GABRG2: variants seen among roughly 807,000 people sequenced by gnomAD.
GABRG2 encodes the protein gamma-aminobutyric acid receptor subunit gamma-2.
A neutral mutation model predicts 56.4 loss-of-function variants in GABRG2; 16 were observed. The observed-to-expected ratio is 0.28, with a 90% confidence interval of 0.19 to 0.43. The LOEUF (loss-of-function observed/expected upper bound fraction) is 0.43, where lower values mean the gene tolerates loss of function less well. Among genes scored for constraint, GABRG2 ranks in the 20% least tolerant of loss-of-function variants. GABRG2 has a pLI of 1.00. For missense variants in GABRG2, 327 were observed against 582.7 expected, an observed-to-expected ratio of 0.56 and a Z score of 4.52; for synonymous variants, 208 against 205.5, an observed-to-expected ratio of 1.01 and a Z score of -0.10.
At chr5:162,116,238 CT>C (rs144430794) in intron 6 of GABRG2, among the ~76,000 whole-genome samples, 16,195 of 151,290 alleles carry the variant, frequency 0.11, 1,064 homozygotes, top group East Asian at 0.25. Context: ...ATCTACCAAT[CT>C]ATCTATCTAT....
chr5:162,149,515 T>C (rs764993676), intron 8 of GABRG2: 1 of 744,684 alleles, frequency 1.3e-6, no homozygotes, highest in South Asian at 1.4e-5. Context: ...ATTTTCTGTG[T>C]CAGAGTTCTT....
chr5:162,102,192 T>C (rs1320523329), intron 5 of GABRG2: 1 of 190,754 alleles, frequency 5.2e-6, no homozygotes, highest in African/African-American at 2.4e-5. Flanking sequence ...AGAGGAAAAA[T>C]ATCACTGGAC....
At chr5:162,105,357 G>C (rs184755955) in intron 6 of GABRG2, among the ~76,000 whole-genome samples, 4 of 150,900 alleles carry the variant, frequency 2.7e-5, no homozygotes, top group Admixed American at 6.6e-5. Context: ...AGTAATGCTT[G>C]AGTATATTAT....
At chr5:162,134,117 TC>T (rs1763951694) in intron 6 of GABRG2, among the ~76,000 whole-genome samples, 2 of 152,136 alleles carry the variant, frequency 1.3e-5, no homozygotes, top group Admixed American at 1.3e-4. Context: ...GGATTTATCA[TC>T]ATAGTCCTAA....
chr5:162,085,313 G>C (rs894612854), intron 1 of GABRG2, among the ~76,000 whole-genome samples: 1 of 151,948 alleles, frequency 6.6e-6, no homozygotes, highest in Admixed American at 6.6e-5. Flanking sequence ...ACACAAATGA[G>C]AAAGTGAAAA....
intron 8 of GABRG2, 73 bp from the exon 9 acceptor site, chr5:162,151,657 C>CTTTTTTTTTTTTT: frequency 1.6e-6 from 2 of 1,246,882 alleles, no homozygotes; most frequent in Admixed American, 2.0e-5. Context: ...TTGTCTCTCT[C>CTTTTTTTTTTTTT]TTTTTTTTTC....
At chr5:162,123,028 G>C (rs1686997144) in intron 6 of GABRG2, among the ~76,000 whole-genome samples, 1 of 151,594 alleles carries the variant, frequency 6.6e-6, no homozygotes, top group South Asian at 2.1e-4. Context: ...TTCTGGCACA[G>C]TCAAGAAAGT....
intron 5 of GABRG2, 111 bp downstream of exon 5, chr5:162,101,428 G>A: frequency 1.3e-6 from 1 of 796,892 alleles, no homozygotes; most frequent in South Asian, 1.4e-5. Context: ...ATTAAGTTAT[G>A]TTACTGACTT....
chr5:162,101,553 A>G (rs1761417633), intron 5 of GABRG2: 2 of 534,626 alleles, frequency 3.7e-6, no homozygotes, highest in African/African-American at 1.9e-5. Context: ...TGAGTTGCAA[A>G]CTTTTAATAT....
chr5:162,087,254 G>A (rs1760193768), intron 1 of GABRG2, among the ~76,000 whole-genome samples: 1 of 152,008 alleles, frequency 6.6e-6, no homozygotes, highest in South Asian at 2.1e-4. Flanking sequence ...CTCACCTTCT[G>A]AACTAACATA....
intron 1 of GABRG2, among the ~76,000 whole-genome samples, chr5:162,077,595 C>A (rs1759240197): frequency 6.6e-6 from 1 of 152,168 alleles, no homozygotes; most frequent in African/African-American, 2.4e-5. Flanking sequence ...GTCATTGCAA[C>A]CTTAGATATC....
chr5:162,110,446 A>T (rs1762173037), intron 6 of GABRG2, among the ~76,000 whole-genome samples: 1 of 152,130 alleles, frequency 6.6e-6, no homozygotes, highest in African/African-American at 2.4e-5. Context: ...CATATGAATA[A>T]AATGCTTCCT....
intron 1 of GABRG2, among the ~76,000 whole-genome samples, chr5:162,073,208 G>GT (rs956937022): frequency 1.3e-5 from 2 of 151,414 alleles, no homozygotes; most frequent in Admixed American, 6.6e-5. Flanking sequence ...ATTACATTAT[G>GT]TTTTTTTGTT....
intron 6 of GABRG2, among the ~76,000 whole-genome samples, chr5:162,141,098 G>T (rs933932787): frequency 3.3e-5 from 5 of 151,974 alleles, no homozygotes; most frequent in African/African-American, 7.2e-5. Context: ...GTGCAGTGGC[G>T]CCATCTCGGC....
At chr5:162,090,325 C>CCATACACATACA (rs10672843) in intron 1 of GABRG2, among the ~76,000 whole-genome samples, 5,365 of 150,920 alleles carry the variant, frequency 0.036, 291 homozygotes, top group African/African-American at 0.12. Context: ...CATACACATA[C>CCATACACATACA]CATACACATA....
chr5:162,126,932 G>T (rs987842947), intron 6 of GABRG2, among the ~76,000 whole-genome samples: 5 of 151,860 alleles, frequency 3.3e-5, no homozygotes, highest in African/African-American at 1.2e-4. Context: ...ACAAACTCTG[G>T]TTGTTATAAG....
chr5:162,148,966 G>A, intron 7 of GABRG2, 142 bp from the exon 8 acceptor site: 1 of 734,864 alleles, frequency 1.4e-6, no homozygotes, highest in Non-Finnish European at 2.4e-6. Flanking sequence ...TGTAAATAGA[G>A]TGAATTAAAT....
At chr5:162,119,636 C>G (rs1015016288) in intron 6 of GABRG2, among the ~76,000 whole-genome samples, 2 of 152,046 alleles carry the variant, frequency 1.3e-5, no homozygotes, top group Non-Finnish European at 2.9e-5. Context: ...TGTAACTGAA[C>G]TTTAGATAAT....
intron 1 of GABRG2, among the ~76,000 whole-genome samples, chr5:162,081,123 G>A (rs536588327): frequency 1.3e-5 from 2 of 151,850 alleles, no homozygotes; most frequent in Non-Finnish European, 2.9e-5. Context: ...ATAAATCCAG[G>A]CAAATAGTAA....
Sources: allele counts gnomAD v4.1 joint callset (sites outside exome capture counted in the v4.1 genomes callset), GRCh38; gene constraint gnomAD v4.1.1; transcripts MANE v1.5; gene names NCBI Gene and HGNC (gene_info 2026-07-23, HGNC 2026-07-21).